The following RFC1 variants were observed in gnomAD, a reference collection of about 807,000 sequenced individuals.
RFC1 encodes the protein A1 140 kDa subunit.
In RFC1, 37 loss-of-function variants were observed where a neutral mutation model predicts 137.4. The ratio of observed to expected loss-of-function variants is 0.27; its 90% confidence interval spans 0.21 to 0.35. The LOEUF is 0.35. RFC1 is among the 10% of genes least tolerant of loss of function. The pLI, the probability that RFC1 is intolerant of heterozygous loss-of-function variation, is 1.00. For missense variants in RFC1, 1,205 were observed against 1,358.5 expected, an observed-to-expected ratio of 0.89 and a Z score of 1.78; for synonymous variants, 429 against 455.7, an observed-to-expected ratio of 0.94 and a Z score of 0.75.
At position 39,302,807 on chromosome 4, in the gene RFC1, G is replaced by A. The variant is rs1282996098; in HGVS notation, c.2270C>T (p.Pro757Leu). The change falls in exon 17 of 25, where the codon CCC becomes CTC. Residue 757 changes from proline to leucine, a missense_variant. By Grantham distance (98) the Pro-to-Leu change is moderately conservative (BLOSUM62 -3). Coordinates refer to ENST00000349703, the MANE Select transcript of RFC1 (RefSeq NM_002913.5). The stretch of plus-strand genomic sequence containing the variant: ...ATAATGAACCAGAGAGCGAATCTTG[G>A]GATGATTTCTATCATTGCACATACA... ...IICMCNDRNHPKIRSLVHYCF... is the reference protein window; with the variant it reads ...IICMCNDRNHLKIRSLVHYCF... 3.1e-6 allele frequency: 5 copies of A among 1,604,152 alleles called. No homozygotes were observed. The Admixed American group carries it at 6.9e-5, about 22-fold the overall frequency.
At chr4:39,303,506 T>G (rs1738478562) in intron 15 of RFC1, among the ~76,000 whole-genome samples, 1 of 151,820 alleles carries the variant, frequency 6.6e-6, no homozygotes, top group Non-Finnish European at 1.5e-5. Context: ...CAAGCTGGAG[T>G]GCAATGGCAC....
intron 4 of RFC1, among the ~76,000 whole-genome samples, chr4:39,339,429 T>C (rs1279009575): frequency 3.9e-5 from 6 of 152,194 alleles, no homozygotes; most frequent in Non-Finnish European, 8.8e-5. Context: ...TCTTTGATAA[T>C]AGCCATCCTA....
intron 14 of RFC1, among the ~76,000 whole-genome samples, chr4:39,306,335 C>T (rs531911816): frequency 5.3e-5 from 8 of 152,222 alleles, no homozygotes; most frequent in South Asian, 2.1e-4. Context: ...AATACACCCA[C>T]GTGCTTAGTA....
At chr4:39,290,277 C>T (rs911734930) in intron 23 of RFC1, among the ~76,000 whole-genome samples, 1 of 151,790 alleles carries the variant, frequency 6.6e-6, no homozygotes, top group African/African-American at 2.4e-5. Context: ...GCTCATGCTT[C>T]TCCATGAGAA....
intron 4 of RFC1, among the ~76,000 whole-genome samples, chr4:39,338,007 G>A (rs369256466): frequency 2.0e-5 from 3 of 152,132 alleles, no homozygotes; most frequent in East Asian, 1.9e-4. Context: ...TGATGAAACC[G>A]TAATAAAAGG....
At chr4:39,323,278 G>T (rs1040720279) in intron 7 of RFC1, 62 bp downstream of exon 7, 7 of 1,245,808 alleles carry the variant, frequency 5.6e-6, no homozygotes, top group Non-Finnish European at 7.9e-6. Flanking sequence ...CCTAGAACAC[G>T]CAAGTATGAA....
chr4:39,323,337 C>A lies in RFC1; in HGVS notation c.720+3G>T, dbSNP rs201166505. The A allele has an allele frequency of 3.8e-4, 610 of 1,613,764 alleles. 4 individuals carry two copies. In the African/African-American group the frequency reaches 6.9e-3, roughly 18 times the overall value. ...GAACGCAAATAGCCCAACATTATGCCACCTTTTTGGTCTTGGGTTCTTCAT... is the reference window on the plus strand; with the variant it reads ...GAACGCAAATAGCCCAACATTATGCAACCTTTTTGGTCTTGGGTTCTTCAT... On this transcript the variant is annotated splice_donor_region_variant and intron_variant, in intron 7 of 24. Coordinates refer to ENST00000349703, the MANE Select transcript of RFC1 (RefSeq NM_002913.5).
intron 3 of RFC1, among the ~76,000 whole-genome samples, chr4:39,344,161 GAATT>G (rs1280932322): frequency 2.0e-5 from 3 of 151,216 alleles, no homozygotes; most frequent in African/African-American, 7.3e-5. Flanking sequence ...CAGAAAGAGA[GAATT>G]AATACAGCAG....
chr4:39,299,326 C>T (rs145752643), intron 21 of RFC1, among the ~76,000 whole-genome samples: 2,783 of 152,132 alleles, frequency 0.018, 45 homozygotes, highest in Non-Finnish European at 0.026. Flanking sequence ...CTGTGAGACC[C>T]CTGATTTCCC....
intron 12 of RFC1, among the ~76,000 whole-genome samples, chr4:39,311,051 G>A (rs1026602561): frequency 3.9e-5 from 6 of 152,102 alleles, no homozygotes; most frequent in Admixed American, 1.3e-4. Context: ...TGAGGCAGGA[G>A]AATCGCTTGA....
At chr4:39,303,928 A>AATG (rs1238149669) in intron 15 of RFC1, among the ~76,000 whole-genome samples, 1 of 152,196 alleles carries the variant, frequency 6.6e-6, no homozygotes, top group African/African-American at 2.4e-5. Flanking sequence ...TGTCATACTA[A>AATG]ATGACTATCC....
At chr4:39,336,014 T>C (rs11939718) in intron 4 of RFC1, among the ~76,000 whole-genome samples, 80,763 of 152,000 alleles carry the variant, frequency 0.53, 22,644 homozygotes, top group African/African-American at 0.71. Flanking sequence ...GAACAGTCTG[T>C]TCATTTTCAA....
chr4:39,353,273 T>C (rs752201436), intron 1 of RFC1, among the ~76,000 whole-genome samples: 2 of 151,536 alleles, frequency 1.3e-5, no homozygotes, highest in African/African-American at 2.4e-5. Flanking sequence ...CGGTGGTGCA[T>C]GCCTATAATC....
chr4:39,342,531 A>G (rs1740658051), intron 3 of RFC1, 64 bp from the exon 4 acceptor site: 7 of 1,526,060 alleles, frequency 4.6e-6, no homozygotes, highest in Middle Eastern at 1.7e-4. Flanking sequence ...GTGCATGTTT[A>G]AAGTAGTCAC....
At position 39,366,269 on chromosome 4, in the gene RFC1, G is replaced by A. The variant is rs1397138381; in HGVS notation, c.-28C>T. ...CAGCCCCAGGATGAAGGCGCTGGCT[G>A]GCTGGCGGGTGGGCCGGTTGAGGAA... On this transcript the variant is annotated 5_prime_UTR_variant, in exon 1 of 25. Transcript: ENST00000349703. The A allele has an allele frequency of 2.0e-6, 3 of 1,531,714 alleles. No homozygotes were observed. The highest frequency in any genetic ancestry group is 2.6e-6 in the Non-Finnish European group (3 of 1,138,580). 94.9% of individuals were successfully genotyped at this position (1,531,714 alleles called of 1,614,324 possible). A position where few individuals can be genotyped will look rare whatever the true frequency, so the allele number is the denominator to read the frequency against.
intron 21 of RFC1, chr4:39,295,979 T>G: frequency 2.6e-6 from 1 of 387,880 alleles, no homozygotes; most frequent in Non-Finnish European, 4.6e-6. Context: ...TCCAACATGT[T>G]ATGGCCCTCA....
chr4:39,334,454 A>T (rs1578148299), intron 4 of RFC1, among the ~76,000 whole-genome samples: 1 of 152,242 alleles, frequency 6.6e-6, no homozygotes. Flanking sequence ...TGCTTCCAAC[A>T]GACAGTGACT....
rs368938991 is a variant in RFC1, at chr4:39,306,597, A to G, written c.1990T>C (p.Cys664Arg). The change falls in exon 14 of 25, where the codon TGT becomes CGT. Residue 664 changes from cysteine to arginine, a missense_variant. Physicochemically the swap from Cys to Arg is radical, Grantham distance 180. Around this residue, in one of 3 missense-constraint regions of RFC1, gnomAD observed 962 missense variants for 1,035.3 expected, o/e 0.93. Coordinates refer to ENST00000349703, the MANE Select transcript of RFC1 (RefSeq NM_002913.5). ...VGKTTTASLV[C>R]QELGYSYVEL... is the part of the protein sequence containing the mutation. The stretch of plus-strand genomic sequence containing the variant: ...CACTGTGACAACGCACCCACCTGAC[A>G]CACCAGGGAAGCTGTGGTGGTTTTG... 1.9e-6 allele frequency: 3 copies of G among 1,583,256 alleles called. No homozygotes were observed. The highest frequency in any genetic ancestry group is 1.7e-6 in the Non-Finnish European group (2 of 1,151,798).
At chr4:39,288,992 CCCAT>C in intron 24 of RFC1, 148 bp from the exon 25 acceptor site, 1 of 631,436 alleles carries the variant, frequency 1.6e-6, no homozygotes, top group Non-Finnish European at 2.8e-6. Flanking sequence ...ACTACTGCAA[CCCAT>C]GAAGCGCTTA....
Sources: gnomAD v4.1 joint callset for allele counts (sites outside exome capture counted in the v4.1 genomes callset) on GRCh38, gnomAD v4.1.1 for gene constraint, gnomAD v4.1.1 regional missense constraint, MANE v1.5 for transcripts, NCBI Gene and HGNC (gene_info 2026-07-23, HGNC 2026-07-21) for gene names.